Variants in KRAS observed in about 807,000 individuals in gnomAD.
The protein encoded by KRAS is KRas proto-oncogene, GTPase, also known as GTPase KRas.
Under a neutral mutation model 21.0 loss-of-function variants are expected in KRAS, and 1 was observed. The ratio of observed to expected loss-of-function variants is 0.05; its 90% CI spans 0.02 to 0.23. KRAS has a LOEUF of 0.23. Ranked by LOEUF, KRAS falls within the 10% of genes least tolerant of loss-of-function variation. KRAS has a pLI of 1.00. For missense variants in KRAS, 107 were observed against 221.8 expected (o/e 0.48, Z 3.29); for synonymous variants, 67 against 72.5 (o/e 0.92, Z 0.39).
intron 2 of KRAS, among the ~76,000 whole-genome samples, chr12:25,233,317 G>A (rs773251807): frequency 3.9e-5 from 6 of 152,092 alleles, no homozygotes; most frequent in Non-Finnish European, 7.4e-5. Flanking sequence ...TTGGGAGGCC[G>A]AGACAGGTGG....
chr12:25,247,500 T>A (rs1200706136), intron 1 of KRAS, among the ~76,000 whole-genome samples: 1 of 152,192 alleles, frequency 6.6e-6, no homozygotes, highest in Non-Finnish European at 1.5e-5. Flanking sequence ...CACGCTTTAT[T>A]TCAAATGTAG....
intron 2 of KRAS, among the ~76,000 whole-genome samples, chr12:25,235,500 C>T (rs1294699351): frequency 2.0e-5 from 3 of 152,028 alleles, no homozygotes; most frequent in African/African-American, 4.8e-5. Context: ...TGTCACATTC[C>T]GTGTCACACA....
In KRAS at chr12:25,227,302, A is replaced by C; in HGVS notation, c.222T>G (p.Thr74=). The change falls in exon 3 of 5, where the codon ACT becomes ACG. Residue 74 remains threonine, a synonymous_variant. Coordinates refer to ENST00000311936, the MANE Select transcript of KRAS (RefSeq NM_004985.5). ...YSAMRDQYMR[T]GEGFLCVFAI... is the part of the protein sequence containing the mutation. ...CAAATACACAAAGAAAGCCCTCCCCAGTCCTCATGTACTGGTCCCTCATTG... is the reference window on the plus strand; with the variant it reads ...CAAATACACAAAGAAAGCCCTCCCCCGTCCTCATGTACTGGTCCCTCATTG... 1.2e-6 allele frequency: 2 copies of C among 1,613,970 alleles called. No individual in the cohort carries two copies. Among genetic ancestry groups the C allele is most frequent in the East Asian group, 4.5e-5 (2 of 44,872 alleles).
intron 4 of KRAS, among the ~76,000 whole-genome samples, chr12:25,220,022 C>T (rs1338125299): frequency 6.6e-6 from 1 of 152,106 alleles, no homozygotes; most frequent in African/African-American, 2.4e-5. Flanking sequence ...AATTGAGACC[C>T]CCAGAGAGCA....
chr12:25,237,318 T>C (rs1273060482), intron 2 of KRAS, among the ~76,000 whole-genome samples: 2 of 152,210 alleles, frequency 1.3e-5, no homozygotes, highest in Non-Finnish European at 2.9e-5. Context: ...TAGTAATGAC[T>C]GCACAACCCT....
intron 4 of KRAS, among the ~76,000 whole-genome samples, chr12:25,221,816 C>T (rs1045879407): frequency 6.6e-6 from 1 of 151,922 alleles, no homozygotes; most frequent in Non-Finnish European, 1.5e-5. Context: ...AACAACTTGC[C>T]GATAAAATAC....
chr12:25,213,417 CTT>C (rs1951219803), intron 4 of KRAS, among the ~76,000 whole-genome samples: 1 of 152,142 alleles, frequency 6.6e-6, no homozygotes, highest in Non-Finnish European at 1.5e-5. Context: ...AAATGTGTAA[CTT>C]TTCAAACTGT....
rs535163031 is a variant in KRAS at position 25,209,086 on chromosome 12, G to A, written c.*709C>T. On this transcript the variant is annotated 3_prime_UTR_variant, in exon 5 of 5. Coordinates refer to ENST00000311936, the MANE Select transcript of KRAS (RefSeq NM_004985.5). Reference sequence around the variant, plus strand: ...ATTTCATACTGGGTCTGCCTTAACAGGAAAAGCTATTAGGAGTCTTTATAG... The same window carrying A: ...ATTTCATACTGGGTCTGCCTTAACAAGAAAAGCTATTAGGAGTCTTTATAG... 46 of 438,670 alleles carry A rather than the reference G, an allele frequency of 1.0e-4. No individual in the cohort carries two copies. The highest frequency in any genetic ancestry group is 1.6e-4 in the Admixed American group (4 of 25,796). 27.2% of individuals were successfully genotyped at this position (438,670 alleles called of 1,614,324 possible). A position where few individuals can be genotyped will look rare whatever the true frequency, so the allele number is the denominator to read the frequency against.
intron 2 of KRAS, among the ~76,000 whole-genome samples, chr12:25,231,800 G>A (rs866613524): frequency 3.9e-5 from 6 of 152,162 alleles, no homozygotes; most frequent in Non-Finnish European, 8.8e-5. Flanking sequence ...AGTGCAATTA[G>A]TCACTGAGCT....
intron 2 of KRAS, among the ~76,000 whole-genome samples, chr12:25,229,039 C>CA (rs1192191228): frequency 6.6e-6 from 1 of 152,054 alleles, no homozygotes; most frequent in African/African-American, 2.4e-5. Flanking sequence ...AGCCTGGCAA[C>CA]AGAGCAAGGC....
chr12:25,234,310 A>T (rs1951516455), intron 2 of KRAS: 1 of 179,368 alleles, frequency 5.6e-6, no homozygotes, highest in African/African-American at 2.4e-5. Flanking sequence ...CAACAATATT[A>T]ACTTTTCTAT....
chr12:25,232,418 C>G (rs1487691024), intron 2 of KRAS, among the ~76,000 whole-genome samples: 1 of 152,092 alleles, frequency 6.6e-6, no homozygotes, highest in Non-Finnish European at 1.5e-5. Flanking sequence ...TTGAAGTATT[C>G]TCAACAAATA....
At chr12:25,250,205 G>A (rs985422205) in intron 1 of KRAS, among the ~76,000 whole-genome samples, 1 of 152,174 alleles carries the variant, frequency 6.6e-6, no homozygotes, top group Non-Finnish European at 1.5e-5. Context: ...CCCTACACAC[G>A]GAAAAGGACC....
At chr12:25,238,631 A>C (rs1951572419) in intron 2 of KRAS, among the ~76,000 whole-genome samples, 1 of 152,192 alleles carries the variant, frequency 6.6e-6, no homozygotes, top group Admixed American at 6.5e-5. Flanking sequence ...ACAAAGGATG[A>C]GGGAGTAATT....
intron 1 of KRAS, 59 bp from the exon 2 acceptor site, chr12:25,245,454 T>C: frequency 1.3e-6 from 2 of 1,489,180 alleles, no homozygotes; most frequent in Middle Eastern, 3.4e-4. Flanking sequence ...ATAAGGTTAA[T>C]ACACTATCAA....
intron 4 of KRAS, chr12:25,215,498 G>A (rs766231905): frequency 4.8e-5 from 78 of 1,611,506 alleles, no homozygotes; most frequent in Non-Finnish European, 6.3e-5. Flanking sequence ...CTTCTTTGCT[G>A]ATTTTTTTCA....
In KRAS at chr12:25,250,884, C is replaced by T. The variant is rs1031899852; in HGVS notation, c.-145G>A. The T allele has an allele frequency of 1.2e-5, 3 of 247,972 alleles. No homozygotes were observed. Among genetic ancestry groups the T allele is most frequent in the Admixed American group, 1.2e-4 (2 of 17,336 alleles). 15.4% of individuals were successfully genotyped at this position (247,972 alleles called of 1,614,324 possible). A position where few individuals can be genotyped will look rare whatever the true frequency, so the allele number is the denominator to read the frequency against. On this transcript the variant is annotated 5_prime_UTR_variant, in exon 1 of 5. Coordinates refer to ENST00000311936, the MANE Select transcript of KRAS (RefSeq NM_004985.5). ...GAGCCGCCGCCACCTTCGCCGCCGC[C>T]ACTGCCGCCGCCGCTGCTGCCTCCG...
intron 4 of KRAS, among the ~76,000 whole-genome samples, chr12:25,222,172 GAAA>G (rs1360100564): frequency 1.6e-5 from 2 of 124,248 alleles, no homozygotes; most frequent in African/African-American, 5.5e-5. Context: ...AAGAAAGAAA[GAAA>G]AATAAATAAA....
chr12:25,214,265 G>T (rs1951229974), intron 4 of KRAS, among the ~76,000 whole-genome samples: 1 of 152,092 alleles, frequency 6.6e-6, no homozygotes, highest in African/African-American at 2.4e-5. Context: ...AAGAACAAAA[G>T]AAATTCAGGC....
Sources: gnomAD v4.1 joint callset for allele counts (sites outside exome capture counted in the v4.1 genomes callset) on GRCh38, gnomAD v4.1.1 for gene constraint, MANE v1.5 for transcripts, NCBI Gene and HGNC (gene_info 2026-07-23, HGNC 2026-07-21) for gene names.